Variants in RELN observed in about 807,000 individuals in gnomAD.
RELN encodes the protein reelin.
A neutral mutation model predicts 427.6 loss-of-function variants in RELN; 108 were observed. That is an observed-to-expected ratio of 0.25 (90% confidence interval 0.22 to 0.30). The LOEUF (loss-of-function observed/expected upper bound fraction) is 0.30. Among genes scored for constraint, RELN ranks in the 10% least tolerant of loss-of-function variants. The pLI is 1.00. For missense variants in RELN, 3,715 were observed against 4,302.8 expected, an observed-to-expected ratio of 0.86 and a Z score of 3.82; for synonymous variants, 1,524 against 1,513.4, an observed-to-expected ratio of 1.01 and a Z score of -0.16.
At chr7:103,881,004 C>T (rs1794593850) in intron 2 of RELN, among the ~76,000 whole-genome samples, 1 of 152,098 alleles carries the variant, frequency 6.6e-6, no homozygotes, top group South Asian at 2.1e-4. Context: ...TATTTCTTAC[C>T]ATTTATCAGT....
chr7:103,481,106 C>T (rs1828217308), intron 63 of RELN, among the ~76,000 whole-genome samples: 1 of 152,116 alleles, frequency 6.6e-6, no homozygotes, highest in African/African-American at 2.4e-5. Flanking sequence ...GTCCTGTTTC[C>T]AATATGTGAA....
intron 1 of RELN, among the ~76,000 whole-genome samples, chr7:103,949,022 C>CAAAAAAAAAAA (rs66678362): frequency 1.1e-5 from 1 of 88,866 alleles, no homozygotes; most frequent in African/African-American, 4.7e-5. Flanking sequence ...ACATTGTCTC[C>CAAAAAAAAAAA]AAAAAAAAAA....
chr7:103,634,435 G>T (rs542955744), intron 19 of RELN, among the ~76,000 whole-genome samples: 1 of 152,060 alleles, frequency 6.6e-6, no homozygotes, highest in Non-Finnish European at 1.5e-5. Context: ...TAAGTTTTAG[G>T]AGTGGAAAGG....
At chr7:103,918,423 C>A (rs573878673) in intron 1 of RELN, among the ~76,000 whole-genome samples, 1 of 152,100 alleles carries the variant, frequency 6.6e-6, no homozygotes, top group Non-Finnish European at 1.5e-5. Flanking sequence ...TAGAACAGAG[C>A]CATTAAGAAC....
intron 2 of RELN, among the ~76,000 whole-genome samples, chr7:103,911,859 TG>T (rs1275633277): frequency 2.7e-5 from 2 of 74,390 alleles, no homozygotes; most frequent in African/African-American, 1.1e-4. Flanking sequence ...TGTGGTGGGG[TG>T]GGGGGAGGGG....
intron 2 of RELN, among the ~76,000 whole-genome samples, chr7:103,915,682 A>G (rs1478972841): frequency 6.6e-6 from 1 of 152,166 alleles, no homozygotes; most frequent in Non-Finnish European, 1.5e-5. Context: ...AGAGGTTTTA[A>G]TTGGACTAGG....
At position 103,844,450 on chromosome 7, in the gene RELN, A is replaced by T. The variant is rs184922518; in HGVS notation, c.338-10778T>A. Among the ~76,000 whole-genome samples the T allele has an allele frequency of 1.7e-3, 252 of 152,358 alleles. 1 individual carries two copies. Among genetic ancestry groups the T allele is most frequent in the African/African-American group, 5.9e-3 (244 of 41,588 alleles). Reference sequence around the variant, plus strand: ...AACTAATAACAGCTAACATTTGCTGAGTATTTAATGATGCAGGCAAAGTTC... The same window carrying T: ...AACTAATAACAGCTAACATTTGCTGTGTATTTAATGATGCAGGCAAAGTTC... On this transcript the variant is annotated intron_variant, in intron 2 of 64. Transcript: ENST00000428762.
In RELN at chr7:103,569,535, C is replaced by G. The variant is rs1227648050; in HGVS notation, c.4588+2649G>C. Among the ~76,000 whole-genome samples the G allele has an allele frequency of 6.6e-6, 1 of 152,176 alleles. No individual in the cohort carries two copies. Among genetic ancestry groups the G allele is most frequent in the Admixed American group, 6.5e-5 (1 of 15,282 alleles). Reference sequence around the variant, plus strand: ...TCTAAATTTGCATTTTAACAAGGCTCCCAAATGATTCAGGTGAACATTAAA... The same window carrying G: ...TCTAAATTTGCATTTTAACAAGGCTGCCAAATGATTCAGGTGAACATTAAA... On this transcript the variant is annotated intron_variant, in intron 31 of 64. Transcript: ENST00000428762. This position sits in a 1 kb window ranked among gnomAD's most constrained non-coding sequence, Gnocchi z 4.0.
At chr7:103,601,671 T>G (rs908984411) in intron 24 of RELN, among the ~76,000 whole-genome samples, 7 of 152,192 alleles carry the variant, frequency 4.6e-5, no homozygotes, top group African/African-American at 1.7e-4. Context: ...ATACTGGACC[T>G]GCTGTCTTTT....
Position 103,625,833 on chromosome 7 carries a change from G to A in RELN, c.2702+4107C>T, listed in dbSNP as rs761215725. Reference sequence around the variant, plus strand: ...GGTATGGGAACAGGTTTGGTAATTCGAAAAAGAAATCATTAAAATATGTCA... The same window carrying A: ...GGTATGGGAACAGGTTTGGTAATTCAAAAAAGAAATCATTAAAATATGTCA... On this transcript the variant is annotated intron_variant, in intron 20 of 64. Coordinates refer to ENST00000428762, the MANE Select transcript of RELN (RefSeq NM_005045.4). Among the ~76,000 whole-genome samples the A allele has an allele frequency of 5.5e-4, 84 of 151,954 alleles. 1 individual carries two copies. Among genetic ancestry groups the A allele is most frequent in the Non-Finnish European group, 9.6e-4 (65 of 67,936 alleles).
At chr7:103,621,889 G>A (rs760265965) in intron 20 of RELN, among the ~76,000 whole-genome samples, 4 of 152,096 alleles carry the variant, frequency 2.6e-5, no homozygotes, top group Non-Finnish European at 4.4e-5. Context: ...GGTGGCAGGC[G>A]CCTGTAATTC....
intron 46 of RELN, among the ~76,000 whole-genome samples, chr7:103,524,500 G>A (rs897709054): frequency 6.6e-6 from 1 of 151,472 alleles, no homozygotes; most frequent in African/African-American, 2.4e-5. Flanking sequence ...TACAACACAC[G>A]TGTTTTCAGA....
chr7:103,843,515 C>T (rs1240947528), intron 2 of RELN, among the ~76,000 whole-genome samples: 4 of 152,126 alleles, frequency 2.6e-5, no homozygotes, highest in Non-Finnish European at 4.4e-5. Flanking sequence ...GTGTCCTGAT[C>T]CAATAGAAAC....
At chr7:103,734,604 T>C (rs1230193070) in intron 6 of RELN, among the ~76,000 whole-genome samples, 4 of 152,156 alleles carry the variant, frequency 2.6e-5, no homozygotes. Flanking sequence ...CACATGAAGC[T>C]TATCTATTAC....
intron 20 of RELN, among the ~76,000 whole-genome samples, chr7:103,615,405 G>C (rs1052292258): frequency 6.6e-6 from 1 of 152,132 alleles, no homozygotes; most frequent in Non-Finnish European, 1.5e-5. Context: ...TATTGCTGAG[G>C]ATCTGTTTTT....
intron 10 of RELN, among the ~76,000 whole-genome samples, chr7:103,685,287 T>C (rs1833742744): frequency 6.6e-6 from 1 of 152,176 alleles, no homozygotes; most frequent in East Asian, 1.9e-4. Context: ...ACTCCTATCA[T>C]TTATATGCAA....
chr7:103,488,004 T>C (rs1828505553), intron 60 of RELN, among the ~76,000 whole-genome samples: 1 of 152,102 alleles, frequency 6.6e-6, no homozygotes, highest in Admixed American at 6.6e-5. Context: ...GAAGATGAGC[T>C]GGGCATGGTG....
chr7:103,496,441 T>C, intron 56 of RELN, 85 bp downstream of exon 56: 1 of 1,566,142 alleles, frequency 6.4e-7, no homozygotes, highest in Non-Finnish European at 8.8e-7. Context: ...CTCTTATAAA[T>C]GCTTTTCATG....
chr7:103,651,274 G>A (rs985906239), intron 15 of RELN, among the ~76,000 whole-genome samples: 4 of 152,002 alleles, frequency 2.6e-5, no homozygotes, highest in Non-Finnish European at 5.9e-5. Context: ...GAAAAAAGTG[G>A]AAAGTCAGGG....
Sources: allele counts gnomAD v4.1 joint callset (sites outside exome capture counted in the v4.1 genomes callset), GRCh38; gene constraint gnomAD v4.1.1; non-coding constraint Gnocchi (gnomAD v3.1); transcripts MANE v1.5; gene names NCBI Gene and HGNC (gene_info 2026-07-23, HGNC 2026-07-21).